PRKCH: variants seen among roughly 807,000 people sequenced by gnomAD.
PRKCH encodes the protein protein kinase C eta type.
In PRKCH, 28 loss-of-function variants were observed where a neutral mutation model predicts 82.5. The ratio of observed to expected loss-of-function variants is 0.34; its 90% CI spans 0.25 to 0.47. The LOEUF is 0.47. Among genes scored for constraint, PRKCH ranks in the 20% least tolerant of loss-of-function variants. PRKCH has a pLI of 1.00. For missense variants in PRKCH, 705 were observed against 881.8 expected (o/e 0.80, Z 2.54); for synonymous variants, 322 against 327.4 (o/e 0.98, Z 0.18).
Position 61,227,497 on chromosome 14 carries a change from G to A in PRKCH, c.-19+39829G>A, listed in dbSNP as rs188417722. Reference sequence around the variant, plus strand: ...TAGTCCCAGCGACTCGGGAGGCTGAGGCAGGAGAATGGCCTGAACCTGGGA... The same window carrying A: ...TAGTCCCAGCGACTCGGGAGGCTGAAGCAGGAGAATGGCCTGAACCTGGGA... On this transcript the variant is annotated intron_variant, in intron 1 of 3. Coordinates refer to the PRKCH transcript ENST00000555185. 7.1e-3 allele frequency among the ~76,000 whole-genome samples: 1,083 copies of A among 152,290 alleles called. 6 individuals carry two copies. The highest frequency in any genetic ancestry group is 0.011 in the Non-Finnish European group (779 of 68,012).
intron 1 of PRKCH, chr14:61,353,465 A>G (rs2046108624): frequency 6.6e-6 from 1 of 152,220 alleles, no homozygotes; most frequent in South Asian, 2.1e-4. Flanking sequence ...ATTATATTTC[A>G]TACACACTTA....
chr14:61,268,719 T>G (rs2045126145), intron 1 of PRKCH, among the ~76,000 whole-genome samples: 1 of 152,192 alleles, frequency 6.6e-6, no homozygotes, highest in Non-Finnish European at 1.5e-5. Flanking sequence ...CCTCAAAAAG[T>G]AGGCAAAGTT....
intron 1 of PRKCH, among the ~76,000 whole-genome samples, chr14:61,274,633 G>A (rs1566802444): frequency 6.6e-6 from 1 of 152,180 alleles, no homozygotes; most frequent in African/African-American, 2.4e-5. Flanking sequence ...GAGAAATCAG[G>A]GAGGCAATTC....
At chr14:61,332,583 T>C (rs1380284663) in intron 1 of PRKCH, among the ~76,000 whole-genome samples, 16 of 152,312 alleles carry the variant, frequency 1.1e-4, no homozygotes, top group Admixed American at 6.5e-5. Context: ...TTTGTGCTTG[T>C]GGTAAAAAAT....
chr14:61,323,766 G>C (rs1257758104), intron 1 of PRKCH, among the ~76,000 whole-genome samples: 1 of 152,286 alleles, frequency 6.6e-6, no homozygotes, highest in East Asian at 1.9e-4. Flanking sequence ...TAGAAGTGGG[G>C]ACTAGAGAGG....
intron 1 of PRKCH, among the ~76,000 whole-genome samples, chr14:61,242,027 T>TA (rs1349391249): frequency 2.0e-5 from 3 of 152,144 alleles, no homozygotes; most frequent in Admixed American, 6.5e-5. Context: ...ACCAAAGTTC[T>TA]AAAAAATCCC....
intron 12 of PRKCH, among the ~76,000 whole-genome samples, chr14:61,536,805 A>T (rs1401871630): frequency 6.6e-6 from 1 of 152,052 alleles, no homozygotes; most frequent in Non-Finnish European, 1.5e-5. Context: ...TCTGACCACT[A>T]ATCTAATATT....
chr14:61,474,426 A>G (rs1265125378), intron 9 of PRKCH, among the ~76,000 whole-genome samples: 1 of 152,142 alleles, frequency 6.6e-6, no homozygotes, highest in Admixed American at 6.5e-5. Context: ...TTTCTTCCTT[A>G]ATTGACAGTG....
chr14:61,407,318 C>T (rs374276120), intron 2 of PRKCH, among the ~76,000 whole-genome samples: 5 of 152,102 alleles, frequency 3.3e-5, no homozygotes, highest in East Asian at 1.9e-4. Flanking sequence ...ATTCTGAAGG[C>T]GGGACTGCAT....
At chr14:61,381,783 C>G (rs2046513971) in intron 1 of PRKCH, among the ~76,000 whole-genome samples, 2 of 152,232 alleles carry the variant, frequency 1.3e-5, no homozygotes, top group Non-Finnish European at 2.9e-5. Context: ...GAGTCTTGCC[C>G]AGGCTCCCAG....
At position 61,391,240 on chromosome 14, in the gene PRKCH, G is replaced by C; in HGVS notation, c.379G>C (p.Glu127Gln). The C allele has an allele frequency of 6.2e-7, 1 of 1,610,746 alleles. No homozygotes were observed. The highest frequency in any genetic ancestry group is 8.5e-7 in the Non-Finnish European group (1 of 1,178,590). The stretch of plus-strand genomic sequence containing the variant: ...CTCTTTGTAGGTGGATCTCGAGCCA[G>C]AGGGGAAAGTATTTGTGGTAATAAC... ...TFEGWVDLEP[E>Q]GKVFVVITLT... The change falls in exon 2 of 14, where the codon GAG becomes CAG. Residue 127 changes from glutamate to glutamine, a missense_variant. Physicochemically the swap from Glu to Gln is conservative, Grantham distance 29 (BLOSUM62 2). Transcript: ENST00000332981.
chr14:61,362,631 C>T (rs1003589096), intron 1 of PRKCH, among the ~76,000 whole-genome samples: 2 of 152,162 alleles, frequency 1.3e-5, no homozygotes, highest in African/African-American at 4.8e-5. Context: ...TCAAATGTTC[C>T]TCTCTAGGAT....
chr14:61,315,872 T>A (rs959502658), intron 1 of PRKCH, among the ~76,000 whole-genome samples: 1 of 151,318 alleles, frequency 6.6e-6, no homozygotes, highest in Non-Finnish European at 1.5e-5. Context: ...CTCAGCCTCC[T>A]GGGTAGCTGG....
intron 1 of PRKCH, among the ~76,000 whole-genome samples, chr14:61,291,179 A>G (rs748578306): frequency 2.0e-5 from 3 of 152,248 alleles, no homozygotes; most frequent in Non-Finnish European, 4.4e-5. Context: ...CCCTTATAGA[A>G]CATCTAGCTT....
chr14:61,474,852 A>G (rs757340397), intron 9 of PRKCH, among the ~76,000 whole-genome samples: 1 of 152,234 alleles, frequency 6.6e-6, no homozygotes, highest in Non-Finnish European at 1.5e-5. Flanking sequence ...TGAAAGGCAC[A>G]TTCCACACAG....
chr14:61,457,076 C>T, intron 7 of PRKCH, 100 bp from the exon 8 acceptor site: 1 of 1,298,652 alleles, frequency 7.7e-7, no homozygotes, highest in Non-Finnish European at 1.1e-6. Flanking sequence ...CCACGTTATA[C>T]TGGGGGTGAG....
chr14:61,539,900 T>A lies in PRKCH; in HGVS notation c.1762-7843T>A, dbSNP rs1353380617. Reference sequence around the variant, plus strand: ...CCTGCCAGGGAGCACTCTCATCACTTAATGGTACTGAGTATTACAACCACA... The same window carrying A: ...CCTGCCAGGGAGCACTCTCATCACTAAATGGTACTGAGTATTACAACCACA... On this transcript the variant is annotated intron_variant, in intron 12 of 13. Coordinates refer to ENST00000332981, the MANE Select transcript of PRKCH (RefSeq NM_006255.5). Among the ~76,000 whole-genome samples the A allele has an allele frequency of 3.3e-5, 5 of 152,248 alleles. No homozygotes were observed. The East Asian group carries it at 9.6e-4, about 29-fold the overall frequency.
intron 2 of PRKCH, among the ~76,000 whole-genome samples, chr14:61,400,592 T>C (rs1324610139): frequency 6.6e-6 from 1 of 152,216 alleles, no homozygotes; most frequent in Non-Finnish European, 1.5e-5. Context: ...TCATAGATGC[T>C]CTCTCGTCTT....
At chr14:61,350,447 T>A (rs2046057351) in intron 1 of PRKCH, among the ~76,000 whole-genome samples, 1 of 152,196 alleles carries the variant, frequency 6.6e-6, no homozygotes, top group Non-Finnish European at 1.5e-5. Context: ...TTACTTTTCT[T>A]CTGTAAGGTC....
Sources: gnomAD v4.1 joint callset for allele counts (sites outside exome capture counted in the v4.1 genomes callset) on GRCh38, gnomAD v4.1.1 for gene constraint, MANE v1.5 for transcripts, NCBI Gene and HGNC (gene_info 2026-07-23, HGNC 2026-07-21) for gene names.